SORCS2: variants seen among roughly 807,000 people sequenced by gnomAD.
The protein encoded by SORCS2 is sortilin related VPS10 domain containing receptor 2, also known as VPS10 domain-containing receptor SorCS2.
A neutral mutation model predicts 141.6 loss-of-function variants in SORCS2; 100 were observed. That is an observed-to-expected ratio of 0.71 (90% CI 0.60 to 0.83). The LOEUF is 0.83. Among genes scored for constraint, SORCS2 ranks in the 40% least tolerant of loss-of-function variants. SORCS2 has a pLI of 0.00. For missense variants in SORCS2, 1,646 were observed against 1,560.2 expected (o/e 1.05, Z -0.93); for synonymous variants, 789 against 676.9 (o/e 1.17, Z -2.57).
intron 9 of SORCS2, among the ~76,000 whole-genome samples, chr4:7,680,426 C>G (rs1252436595): frequency 2.6e-5 from 4 of 152,262 alleles, no homozygotes; most frequent in Non-Finnish European, 5.9e-5. Flanking sequence ...GGTACCACAT[C>G]TCACAAAGAA....
chr4:7,408,306 TTTTG>T (rs1725101853), intron 2 of SORCS2, among the ~76,000 whole-genome samples: 1 of 152,140 alleles, frequency 6.6e-6, no homozygotes, highest in Non-Finnish European at 1.5e-5. Flanking sequence ...TTCCCTCAGC[TTTTG>T]TTTGTCTAGA....
chr4:7,686,190 G>A (rs1191688835), intron 10 of SORCS2, among the ~76,000 whole-genome samples: 1 of 152,214 alleles, frequency 6.6e-6, no homozygotes, highest in African/African-American at 2.4e-5. Flanking sequence ...TTTAACAGGA[G>A]TGGTGTGATC....
chr4:7,677,125 C>G (rs1009485430), intron 9 of SORCS2, among the ~76,000 whole-genome samples: 6 of 152,130 alleles, frequency 3.9e-5, no homozygotes, highest in African/African-American at 1.4e-4. Flanking sequence ...TGCCACTTCT[C>G]TCACCACCTA....
intron 2 of SORCS2, among the ~76,000 whole-genome samples, chr4:7,417,991 T>C (rs1407695848): frequency 5.9e-5 from 9 of 152,082 alleles, no homozygotes; most frequent in Admixed American, 5.9e-4. Context: ...TCATGGCTGG[T>C]GTCTGGCTCA....
chr4:7,655,277 G>A (rs1219580633), intron 5 of SORCS2, among the ~76,000 whole-genome samples: 11 of 151,818 alleles, frequency 7.2e-5, no homozygotes, highest in African/African-American at 2.7e-4. Context: ...ACCATTGCAC[G>A]GGCCTCCTGC....
intron 1 of SORCS2, among the ~76,000 whole-genome samples, chr4:7,212,565 T>C (rs1448505735): frequency 6.6e-6 from 1 of 152,212 alleles, no homozygotes; most frequent in East Asian, 1.9e-4. Context: ...TTTCACTGCA[T>C]GTTGGCTTCC....
At position 7,648,225 on chromosome 4, in the gene SORCS2, G is replaced by C. The variant is rs2108886254; in HGVS notation, c.814-5909G>C. Among the ~76,000 whole-genome samples, 1 of 152,286 alleles carries C rather than the reference G, an allele frequency of 6.6e-6. No individual in the cohort carries two copies. Among genetic ancestry groups the C allele is most frequent in the African/African-American group, 2.4e-5 (1 of 41,554 alleles). Reference sequence around the variant, plus strand: ...GGAGGAGGAGGAGGAAGACACGGAGGCTGGAGGAGCAGGGCTGGTTGAGAA... The same window carrying C: ...GGAGGAGGAGGAGGAAGACACGGAGCCTGGAGGAGCAGGGCTGGTTGAGAA... On this transcript the variant is annotated intron_variant, in intron 4 of 26. Transcript: ENST00000507866. This position sits in a 1 kb window ranked among gnomAD's most constrained non-coding sequence, Gnocchi z 4.2.
At chr4:7,223,245 T>G (rs1397539686) in intron 1 of SORCS2, among the ~76,000 whole-genome samples, 1 of 152,108 alleles carries the variant, frequency 6.6e-6, no homozygotes, top group Non-Finnish European at 1.5e-5. Context: ...TTTGGTGCCT[T>G]CTCATTGCAT....
At chr4:7,335,625 T>C (rs1719934997) in intron 1 of SORCS2, among the ~76,000 whole-genome samples, 1 of 152,202 alleles carries the variant, frequency 6.6e-6, no homozygotes. Flanking sequence ...TCCAGGGCTG[T>C]TCACTGGCAG....
chr4:7,267,311 CT>C (rs1467182312), intron 1 of SORCS2, among the ~76,000 whole-genome samples: 1 of 152,160 alleles, frequency 6.6e-6, no homozygotes, highest in Admixed American at 6.5e-5. Flanking sequence ...CACAAAACAC[CT>C]GCTTACTTGA....
chr4:7,300,529 C>T (rs1343274299), intron 1 of SORCS2, among the ~76,000 whole-genome samples: 1 of 152,186 alleles, frequency 6.6e-6, no homozygotes, highest in East Asian at 1.9e-4. Flanking sequence ...TGAGTCCCCG[C>T]CACCACGGCA....
rs924626343 is a variant in SORCS2 at position 7,742,564 on chromosome 4, G to A, written c.*2300G>A. 1.3e-5 allele frequency: 2 copies of A among 152,178 alleles called. No homozygotes were observed. Among genetic ancestry groups the A allele is most frequent in the Non-Finnish European group, 2.9e-5 (2 of 68,048 alleles). 9.4% of individuals were successfully genotyped at this position (152,178 alleles called of 1,614,324 possible). A position where few individuals can be genotyped will look rare whatever the true frequency, so the allele number is the denominator to read the frequency against. On this transcript the variant is annotated 3_prime_UTR_variant, in exon 27 of 27. Coordinates refer to ENST00000507866, the MANE Select transcript of SORCS2 (RefSeq NM_020777.3). ...GTTGGGCATGTGGACCCAAGCACCT[G>A]GGAAGGAGGTGGCATCTGAGACAGC...
intron 3 of SORCS2, among the ~76,000 whole-genome samples, chr4:7,596,356 C>T (rs1438228588): frequency 2.6e-5 from 4 of 152,150 alleles, no homozygotes; most frequent in Non-Finnish European, 5.9e-5. Context: ...GAAGTGCCGA[C>T]AGTGTGCTTT....
intron 11 of SORCS2, among the ~76,000 whole-genome samples, chr4:7,691,111 CCCAGGACCCCTTCCCT>C (rs1724217557): frequency 6.6e-6 from 1 of 152,222 alleles, no homozygotes; most frequent in Non-Finnish European, 1.5e-5. Context: ...ACTTCCTGAA[CCCAGGACCCCTTCCCT>C]CCATTTCCCC....
chr4:7,736,961 G>A lies in SORCS2; in HGVS notation c.3312-108G>A, dbSNP rs1712228628. ...GGGTAGGCACCTCTGGAGTGCTGTG[G>A]GCACCGTGCACCACACTCGGTGTGG... On this transcript the variant is annotated intron_variant, in intron 25 of 26. Coordinates refer to ENST00000507866, the MANE Select transcript of SORCS2 (RefSeq NM_020777.3). 25 of 1,406,398 alleles carry A rather than the reference G, an allele frequency of 1.8e-5. No individual in the cohort carries two copies. The South Asian group carries it at 3.4e-4, about 19-fold the overall frequency. The allele number at this position is 1,406,398 out of a possible 1,614,324, so 87.1% of individuals were successfully genotyped here. A position where few individuals can be genotyped will look rare whatever the true frequency, so the allele number is the denominator to read the frequency against.
At chr4:7,560,073 G>A (rs1714425412) in intron 3 of SORCS2, among the ~76,000 whole-genome samples, 1 of 152,212 alleles carries the variant, frequency 6.6e-6, no homozygotes, top group Non-Finnish European at 1.5e-5. Flanking sequence ...GGGGATAGGC[G>A]ACAGTCTGAA....
At chr4:7,516,371 C>T (rs1340678596) in intron 2 of SORCS2, among the ~76,000 whole-genome samples, 1 of 152,160 alleles carries the variant, frequency 6.6e-6, no homozygotes, top group African/African-American at 2.4e-5. Context: ...CCCTTCCCTC[C>T]CATCTGGCCT....
At chr4:7,584,622 C>T (rs1400627160) in intron 3 of SORCS2, among the ~76,000 whole-genome samples, 1 of 152,156 alleles carries the variant, frequency 6.6e-6, no homozygotes, top group African/African-American at 2.4e-5. Context: ...ACCAGGCTGC[C>T]TCCACAGTAG....
At chr4:7,699,277 GT>G (rs1372349400) in intron 12 of SORCS2, among the ~76,000 whole-genome samples, 2 of 152,156 alleles carry the variant, frequency 1.3e-5, no homozygotes, top group Non-Finnish European at 2.9e-5. Context: ...TGCCAGTGGG[GT>G]TTGGAAAACC....
Sources: allele counts gnomAD v4.1 joint callset (sites outside exome capture counted in the v4.1 genomes callset), GRCh38; gene constraint gnomAD v4.1.1; non-coding constraint Gnocchi (gnomAD v3.1); transcripts MANE v1.5; gene names NCBI Gene and HGNC (gene_info 2026-07-23, HGNC 2026-07-21).